Variants in LHFPL6 observed in about 807,000 individuals in gnomAD.
LHFPL6 encodes the protein LHFPL tetraspan subfamily member 6 protein.
A neutral mutation model predicts 20.6 loss-of-function variants in LHFPL6; 9 were observed. The ratio of observed to expected loss-of-function variants is 0.44; its 90% CI spans 0.26 to 0.76. The LOEUF (loss-of-function observed/expected upper bound fraction) is 0.76. Among genes scored for constraint, LHFPL6 ranks in the 30% least tolerant of loss-of-function variants. The pLI, the probability that LHFPL6 is intolerant of heterozygous loss-of-function variation, is 0.20. For synonymous variants in LHFPL6, 105 were observed against 98.7 expected (o/e 1.06, Z -0.38); for missense variants, 218 against 253.5 (o/e 0.86, Z 0.95).
chr13:39,468,507 G>T (rs1183221313), intron 2 of LHFPL6, among the ~76,000 whole-genome samples: 1 of 151,780 alleles, frequency 6.6e-6, no homozygotes, highest in African/African-American at 2.4e-5. Context: ...CTGATTTTTT[G>T]AACTGGGCCA....
intron 3 of LHFPL6, among the ~76,000 whole-genome samples, chr13:39,368,135 G>A (rs1870057934): frequency 1.3e-5 from 2 of 151,962 alleles, no homozygotes; most frequent in Non-Finnish European, 2.9e-5. Context: ...TTCGAGACCA[G>A]CCTGGCCATC....
chr13:39,549,873 T>G (rs1391599639), intron 2 of LHFPL6, among the ~76,000 whole-genome samples: 1 of 152,048 alleles, frequency 6.6e-6, no homozygotes, highest in Non-Finnish European at 1.5e-5. Flanking sequence ...CACAACAACA[T>G]GGATGAATCT....
chr13:39,541,704 T>C (rs1870805118), intron 2 of LHFPL6, among the ~76,000 whole-genome samples: 1 of 152,182 alleles, frequency 6.6e-6, no homozygotes, highest in Non-Finnish European at 1.5e-5. Flanking sequence ...AGCTATGATA[T>C]GCTACAGAGC....
intron 2 of LHFPL6, among the ~76,000 whole-genome samples, chr13:39,554,720 T>C (rs148411226): frequency 4.1e-4 from 62 of 152,330 alleles, no homozygotes; most frequent in African/African-American, 1.4e-3. Context: ...TCTTCTCCAA[T>C]AGGCGTGTGT....
intron 2 of LHFPL6, among the ~76,000 whole-genome samples, chr13:39,388,335 G>A (rs1448889398): frequency 6.6e-6 from 1 of 152,152 alleles, no homozygotes; most frequent in East Asian, 1.9e-4. Flanking sequence ...TTAGCTCAGA[G>A]CAAAAATTCA....
chr13:39,540,904 G>A (rs1353582581), intron 2 of LHFPL6, among the ~76,000 whole-genome samples: 2 of 152,080 alleles, frequency 1.3e-5, no homozygotes, highest in Non-Finnish European at 2.9e-5. Context: ...TTTAGAACAC[G>A]TTAACAGAGA....
intron 2 of LHFPL6, among the ~76,000 whole-genome samples, chr13:39,565,433 T>G (rs61956464): frequency 6.6e-6 from 1 of 152,202 alleles, no homozygotes; most frequent in Non-Finnish European, 1.5e-5. Context: ...ATTTTGGTGC[T>G]GTGGTTTTTA....
intron 2 of LHFPL6, among the ~76,000 whole-genome samples, chr13:39,563,450 A>G (rs1268667974): frequency 6.6e-6 from 1 of 151,546 alleles, no homozygotes; most frequent in Non-Finnish European, 1.5e-5. Flanking sequence ...AGAATACATG[A>G]GTCTGGTGGG....
intron 3 of LHFPL6, among the ~76,000 whole-genome samples, chr13:39,351,478 G>A (rs1047643233): frequency 6.6e-6 from 1 of 151,294 alleles, no homozygotes; most frequent in Non-Finnish European, 1.5e-5. Context: ...TTAATCAAAT[G>A]CATTTTTCTC....
At position 39,364,789 on chromosome 13, in the gene LHFPL6, C is replaced by A. The variant is rs77663771; in HGVS notation, c.484+13639G>T. On this transcript the variant is annotated intron_variant, in intron 3 of 3. Coordinates refer to ENST00000379589, the MANE Select transcript of LHFPL6 (RefSeq NM_005780.3). ...CACCCAATAGTTTTCTTAACATACA[C>A]ATTTGTGCCACTTACACACAAAAAA... Among the ~76,000 whole-genome samples, 1,354 of 152,266 alleles carry A rather than the reference C, an allele frequency of 8.9e-3. 12 individuals are homozygous for A. Among genetic ancestry groups the A allele is most frequent in the Non-Finnish European group, 0.014 (965 of 68,016 alleles).
At chr13:39,450,066 AATTTTAC>A (rs930731056) in intron 2 of LHFPL6, among the ~76,000 whole-genome samples, 25 of 152,314 alleles carry the variant, frequency 1.6e-4, no homozygotes, top group Non-Finnish European at 3.7e-4. Flanking sequence ...ATACACCATC[AATTTTAC>A]AGATTATTTG....
At chr13:39,562,499 T>TATACACATATACACATATACAC (rs1871543178) in intron 2 of LHFPL6, among the ~76,000 whole-genome samples, 1 of 84,678 alleles carries the variant, frequency 1.2e-5, no homozygotes, top group South Asian at 4.0e-4. Context: ...CACATATACA[T>TATACACATATACACATATACAC]ATATACATAT....
intron 2 of LHFPL6, among the ~76,000 whole-genome samples, chr13:39,524,993 G>GA (rs912781845): frequency 2.6e-5 from 4 of 152,084 alleles, no homozygotes; most frequent in Non-Finnish European, 5.9e-5. Flanking sequence ...TGCTGCTGAT[G>GA]AAAAAATGGC....
intron 2 of LHFPL6, among the ~76,000 whole-genome samples, chr13:39,460,195 C>T (rs1197051422): frequency 1.3e-5 from 2 of 152,100 alleles, no homozygotes; most frequent in Non-Finnish European, 2.9e-5. Context: ...TGATACAACC[C>T]ATAAAACATG....
intron 2 of LHFPL6, among the ~76,000 whole-genome samples, chr13:39,579,762 G>A (rs551791777): frequency 1.3e-5 from 2 of 152,190 alleles, no homozygotes; most frequent in East Asian, 3.9e-4. Context: ...AAATATCACT[G>A]GCAAGTTTCA....
chr13:39,416,364 T>TAA (rs36120111), intron 2 of LHFPL6, among the ~76,000 whole-genome samples: 133 of 147,370 alleles, frequency 9.0e-4, no homozygotes, highest in South Asian at 1.5e-3. Flanking sequence ...CTTAATATGT[T>TAA]AAAAAAAAAA....
intron 2 of LHFPL6, among the ~76,000 whole-genome samples, chr13:39,584,525 C>CAA (rs35746128): frequency 2.3e-3 from 133 of 58,800 alleles, no homozygotes; most frequent in African/African-American, 5.8e-3. Flanking sequence ...AACTCTGTCT[C>CAA]AAAAAAAAAA....
At position 39,495,816 on chromosome 13, in the gene LHFPL6, A is replaced by G. The variant is rs1222049902; in HGVS notation, c.385+105016T>C. 3.8e-5 allele frequency among the ~76,000 whole-genome samples: 5 copies of G among 130,136 alleles called. No homozygotes were observed. In the Admixed American group the frequency reaches 4.4e-4, roughly 11 times the overall value. 85.4% of individuals were successfully genotyped at this position (130,136 alleles called of 152,430 possible). A position where few individuals can be genotyped will look rare whatever the true frequency, so the allele number is the denominator to read the frequency against. On this transcript the variant is annotated intron_variant, in intron 2 of 3. Transcript: ENST00000379589. ...TTTTTTTTTTTTTTAGTAATTCACCAGATTATCCTGCTGCATGGCCAGGGT... is the reference window on the plus strand; with the variant it reads ...TTTTTTTTTTTTTTAGTAATTCACCGGATTATCCTGCTGCATGGCCAGGGT...
rs530053107 is a variant in LHFPL6 at position 39,465,557 on chromosome 13, G to A, written c.386-87031C>T. The stretch of plus-strand genomic sequence containing the variant: ...CCACCAAACTGCCACCCGCAGTGCC[G>A]GGCACCCAATTCCTAGGGGAAGCGT... On this transcript the variant is annotated intron_variant, in intron 2 of 3. Transcript: ENST00000379589. Among the ~76,000 whole-genome samples, 7 of 152,194 alleles carry A rather than the reference G, an allele frequency of 4.6e-5. No individual in the cohort carries two copies. In the East Asian group the frequency reaches 5.8e-4, roughly 13 times the overall value.
Sources: allele counts gnomAD v4.1 joint callset (sites outside exome capture counted in the v4.1 genomes callset), GRCh38; gene constraint gnomAD v4.1.1; transcripts MANE v1.5; gene names NCBI Gene and HGNC (gene_info 2026-07-23, HGNC 2026-07-21).